The following POLD3 variants were observed in gnomAD, a reference collection of about 807,000 sequenced individuals.
POLD3 encodes DNA polymerase delta subunit 3.
POLD3 carries 19 observed loss-of-function variants against 58.2 expected under a neutral mutation model. The observed-to-expected ratio is 0.33, with a 90% CI of 0.23 to 0.48. The LOEUF (loss-of-function observed/expected upper bound fraction) is 0.48. POLD3 is among the 20% of genes least tolerant of loss of function. The probability of loss-of-function intolerance (pLI) is 0.99; values close to 1 mark genes in which losing one functional copy is unlikely to be tolerated. For missense variants in POLD3, 504 were observed against 545.5 expected (o/e 0.92, Z 0.76); for synonymous variants, 172 against 193.5 (o/e 0.89, Z 0.92).
intron 9 of POLD3, among the ~76,000 whole-genome samples, chr11:74,633,818 T>G (rs560242334): frequency 6.6e-6 from 1 of 152,240 alleles, no homozygotes; most frequent in Non-Finnish European, 1.5e-5. Context: ...GAACAAACCT[T>G]ATCAGTGAAG....
rs564433936 is a variant in POLD3, at chr11:74,667,486, C to T, written c.370-1291C>T. Among the ~76,000 whole-genome samples, 331 of 152,168 alleles carry T rather than the reference C, an allele frequency of 2.2e-3. 1 individual carries two copies. The highest frequency in any genetic ancestry group is 7.5e-3 in the African/African-American group (311 of 41,492). ...CGGAGCTTGCAGTGAGCCGAGATCG[C>T]GCCACTGCACTCCAACCTGGGCGAC... On this transcript the variant is annotated intron_variant, in intron 4 of 4. Coordinates refer to the POLD3 transcript ENST00000524752.
intron 3 of POLD3, among the ~76,000 whole-genome samples, chr11:74,605,062 T>C (rs2031630304): frequency 2.0e-5 from 3 of 152,354 alleles, no homozygotes; most frequent in South Asian, 4.1e-4. Flanking sequence ...TCTCTTTTTT[T>C]CCTCTTGAAG....
rs769088402 is a variant in POLD3 at position 74,640,572 on chromosome 11, A to C, written c.1207A>C (p.Lys403Gln). Residue 403 changes from lysine to glutamine, a missense_variant, in exon 12 of 12, where the codon AAA (lysine) becomes CAA (glutamine). Lys to Gln is a moderately conservative substitution (Grantham distance 53, BLOSUM62 1). Coordinates refer to ENST00000263681, the MANE Select transcript of POLD3 (RefSeq NM_006591.3). ...TTTTCTCATCCTACCAGTGACTGAA[A>C]AAGTCTACGAGAGTGAATCCTGCAC... ...LDGEGCIVTE[K>Q]VYESESCTDS... is the part of the protein sequence containing the mutation. 23 of 1,527,168 alleles carry C rather than the reference A, an allele frequency of 1.5e-5. 1 individual carries two copies. In the South Asian group the frequency reaches 3.0e-4, roughly 20 times the overall value. The allele number at this position is 1,527,168 out of a possible 1,614,324, so 94.6% of individuals were successfully genotyped here.
In POLD3 at chr11:74,636,289, T is replaced by C; in HGVS notation, c.1198+14T>C. The C allele has an allele frequency of 6.2e-7, 1 of 1,611,828 alleles. No homozygotes were observed. The highest frequency in any genetic ancestry group is 8.5e-7 in the Non-Finnish European group (1 of 1,178,758). ...AAGGCTGCATAGGTAAGACAAATAT[T>C]TGGCTCCAAATCCAGAGATAGAATC... On this transcript the variant is annotated intron_variant, in intron 11 of 11. Transcript: ENST00000263681.
intron 8 of POLD3, among the ~76,000 whole-genome samples, chr11:74,627,021 C>T (rs894893796): frequency 6.6e-6 from 1 of 152,088 alleles, no homozygotes; most frequent in East Asian, 1.9e-4. Flanking sequence ...AATTACTGCA[C>T]TATACTTTTT....
intron 7 of POLD3, among the ~76,000 whole-genome samples, chr11:74,622,560 A>G (rs558723890): frequency 7.0e-4 from 107 of 152,354 alleles, no homozygotes; most frequent in African/African-American, 2.5e-3. Context: ...GAATGTTCAG[A>G]GTAAAATTAT....
At chr11:74,601,009 G>C (rs551744421) in intron 2 of POLD3, among the ~76,000 whole-genome samples, 1 of 152,050 alleles carries the variant, frequency 6.6e-6, no homozygotes, top group Non-Finnish European at 1.5e-5. Context: ...GTGAGCCACC[G>C]CACCCAGCCA....
At chr11:74,660,788 C>G (rs1007834769) in intron 4 of POLD3, among the ~76,000 whole-genome samples, 1 of 152,112 alleles carries the variant, frequency 6.6e-6, no homozygotes, top group South Asian at 2.1e-4. Flanking sequence ...TGAGGCCTCC[C>G]CAGCCATGCT....
intron 4 of POLD3, among the ~76,000 whole-genome samples, chr11:74,650,770 T>G (rs964549486): frequency 2.6e-5 from 4 of 152,212 alleles, no homozygotes; most frequent in Non-Finnish European, 5.9e-5. Flanking sequence ...GTGCCAGATG[T>G]GAAGTTTCAA....
intron 4 of POLD3, among the ~76,000 whole-genome samples, chr11:74,650,530 A>G (rs1244723923): frequency 1.3e-5 from 2 of 152,226 alleles, no homozygotes; most frequent in African/African-American, 4.8e-5. Flanking sequence ...CTGTTTATTA[A>G]TGAAAAAATA....
rs184347492 is a variant in POLD3, at chr11:74,611,428, A to G, written c.220-71A>G. ...TAATTTCACATCCAAGCACAATTGA[A>G]TTATTGGAGCAAGGAAACTAAAATT... On this transcript the variant is annotated intron_variant, in intron 3 of 11. Transcript: ENST00000263681. The G allele has an allele frequency of 1.5e-4, 131 of 873,020 alleles. No individual in the cohort carries two copies. The African/African-American group carries it at 1.8e-3, about 12-fold the overall frequency. The allele number at this position is 873,020 out of a possible 1,614,324, so 54.1% of individuals were successfully genotyped here. A position where few individuals can be genotyped will look rare whatever the true frequency, so the allele number is the denominator to read the frequency against.
chr11:74,625,705 C>T (rs996457950), intron 8 of POLD3, 132 bp downstream of exon 8: 2 of 637,106 alleles, frequency 3.1e-6, no homozygotes, highest in East Asian at 5.8e-5. Context: ...TACAACTATA[C>T]AACCAAAATG....
At chr11:74,637,606 T>C (rs1006024608) in intron 11 of POLD3, among the ~76,000 whole-genome samples, 2 of 152,028 alleles carry the variant, frequency 1.3e-5, no homozygotes, top group African/African-American at 2.4e-5. Context: ...CTCCTCTTTC[T>C]GCCCCAAAAG....
intron 2 of POLD3, among the ~76,000 whole-genome samples, chr11:74,602,629 T>A (rs1454216711): frequency 6.6e-6 from 1 of 152,226 alleles, no homozygotes. Flanking sequence ...TCTTGCTTCC[T>A]CCCTTGCCCC....
At chr11:74,663,660 A>C (rs909402174) in intron 4 of POLD3, among the ~76,000 whole-genome samples, 3 of 152,246 alleles carry the variant, frequency 2.0e-5, no homozygotes, top group Admixed American at 2.0e-4. Context: ...AAATGTTTTT[A>C]GAAGAAAATA....
At chr11:74,652,683 G>A (rs1386568396) in intron 4 of POLD3, 1 of 152,446 alleles carries the variant, frequency 6.6e-6, no homozygotes, top group Admixed American at 6.5e-5. Flanking sequence ...AAACTCTATT[G>A]TATTCTACTA....
chr11:74,634,535 C>T (rs1221163334), intron 9 of POLD3, 48 bp from the exon 10 acceptor site: 1 of 995,778 alleles, frequency 1.0e-6, no homozygotes, highest in African/African-American at 1.6e-5. Flanking sequence ...GGCTTTATAC[C>T]AGATAGTGCT....
In POLD3 at chr11:74,612,782, A is replaced by T. The variant is rs369146730; in HGVS notation, c.260-96A>T. On this transcript the variant is annotated intron_variant, in intron 4 of 11. Transcript: ENST00000263681. ...TTTAGAGTTTTTTGGACCACCACAGATTACAAATGCTTTAATGCAGAAGGG... is the reference window on the plus strand; with the variant it reads ...TTTAGAGTTTTTTGGACCACCACAGTTTACAAATGCTTTAATGCAGAAGGG... 5.2e-5 allele frequency: 56 copies of T among 1,073,840 alleles called. No individual in the cohort carries two copies. In the African/African-American group the frequency reaches 7.4e-4, roughly 14 times the overall value. 66.5% of individuals were successfully genotyped at this position (1,073,840 alleles called of 1,614,324 possible). A position where few individuals can be genotyped will look rare whatever the true frequency, so the allele number is the denominator to read the frequency against.
At chr11:74,599,393 T>G (rs1419277525) in intron 2 of POLD3, among the ~76,000 whole-genome samples, 2 of 141,760 alleles carry the variant, frequency 1.4e-5, no homozygotes, top group Non-Finnish European at 3.0e-5. Context: ...TTTGACGGAG[T>G]CTCGCTCTGT....
Sources: gnomAD v4.1 joint callset for allele counts (sites outside exome capture counted in the v4.1 genomes callset) on GRCh38, gnomAD v4.1.1 for gene constraint, MANE v1.5 for transcripts, NCBI Gene and HGNC (gene_info 2026-07-23, HGNC 2026-07-21) for gene names.